The following CD200R1 variants were observed in gnomAD, a reference collection of about 807,000 sequenced individuals.
CD200R1 encodes cell surface glycoprotein CD200 receptor 1.
A neutral mutation model predicts 38.1 loss-of-function variants in CD200R1; 30 were observed. The ratio of observed to expected loss-of-function variants is 0.79; its 90% CI spans 0.59 to 1.07. CD200R1 has a LOEUF of 1.07. Ranked by LOEUF, CD200R1 falls within the 50% of genes least tolerant of loss-of-function variation. The pLI is 0.00. For synonymous variants in CD200R1, 128 were observed against 152.1 expected (o/e 0.84, Z 1.16); for missense variants, 372 against 415.4 (o/e 0.90, Z 0.91).
intron 2 of CD200R1, 89 bp from the exon 3 acceptor site, chr3:112,931,260 T>C (rs776577899): frequency 1.4e-6 from 1 of 738,908 alleles, no homozygotes; most frequent in Non-Finnish European, 2.4e-6. Context: ...TTATCCAACA[T>C]GATAGGCAAT....
intron 1 of CD200R1, among the ~76,000 whole-genome samples, chr3:112,955,176 T>C (rs1234157814): frequency 2.0e-5 from 3 of 152,206 alleles, no homozygotes; most frequent in Non-Finnish European, 4.4e-5. Context: ...CTAGAGAATG[T>C]TTCATGTGTA....
intron 1 of CD200R1, among the ~76,000 whole-genome samples, chr3:112,955,866 A>G (rs1242352412): frequency 1.3e-5 from 2 of 150,042 alleles, no homozygotes; most frequent in Admixed American, 1.3e-4. Context: ...TGAGAAGTCC[A>G]CTTCTAGGTA....
chr3:112,974,526 C>CA (rs1320508263), intron 1 of CD200R1, among the ~76,000 whole-genome samples: 1 of 151,520 alleles, frequency 6.6e-6, no homozygotes, highest in African/African-American at 2.4e-5. Context: ...CTGCCTTGTT[C>CA]AAAAAACAGG....
chr3:112,929,008 C>G lies in CD200R1; in HGVS notation c.577G>C (p.Val193Leu). 1 of 1,614,006 alleles carries G rather than the reference C, an allele frequency of 6.2e-7. No individual in the cohort carries two copies. The highest frequency in any genetic ancestry group is 8.5e-7 in the Non-Finnish European group (1 of 1,180,022). Residue 193 changes from valine (V) to leucine (L), a missense_variant, in exon 5 of 8, where the codon GTT (valine) becomes CTT (leucine). Val to Leu is a conservative substitution (Grantham distance 32, BLOSUM62 1). Transcript: ENST00000308611. ...ATATGCGCAGCTGGCTTCCCTGCAA[C>G]TGCCTTGCATACTGCAGTTCTATTC... ...NRNRTAVCKA[V>L]AGKPAAHISW...
chr3:112,923,841 CATAG>C, intron 7 of CD200R1, 42 bp from the exon 8 acceptor site: 1 of 1,253,472 alleles, frequency 8.0e-7, no homozygotes. Flanking sequence ...AAAAAATCAT[CATAG>C]AGACTATCTG....
rs370239398 is a variant in CD200R1 at position 112,928,403 on chromosome 3, A to G, written c.769+413T>C. On this transcript the variant is annotated intron_variant, in intron 5 of 7. Transcript: ENST00000308611. The stretch of plus-strand genomic sequence containing the variant: ...GATGTTATTATAAGACATTTAAGAA[A>G]TTCAATGATGAAAAGTCCAGAAAAC... 7.2e-5 allele frequency among the ~76,000 whole-genome samples: 11 copies of G among 152,338 alleles called. No individual in the cohort carries two copies. In the East Asian group the frequency reaches 2.1e-3, roughly 29 times the overall value.
At position 112,929,229 on chromosome 3, in the gene CD200R1, C is replaced by A; in HGVS notation, c.481G>T (p.Asp161Tyr). The A allele has an allele frequency of 6.2e-7, 1 of 1,614,172 alleles. No individual in the cohort carries two copies. The highest frequency in any genetic ancestry group is 8.5e-7 in the Non-Finnish European group (1 of 1,180,026). The change falls in exon 4 of 8, where the codon GAT becomes TAT. Residue 161 changes from aspartate (D) to tyrosine (Y), a missense_variant. Asp to Tyr is a radical substitution (Grantham distance 160, BLOSUM62 -3). Transcript: ENST00000308611. ...TGATATCCACGATGGAAATTCCCAT[C>A]AGGTGTTACCATTATGCATCTGTAA... ...GYYRCIMVTP[D>Y]GNFHRGYHLQ...
chr3:112,930,690 T>C (rs903618009), intron 3 of CD200R1, among the ~76,000 whole-genome samples: 1 of 152,224 alleles, frequency 6.6e-6, no homozygotes, highest in Non-Finnish European at 1.5e-5. Flanking sequence ...CAAACCTTTA[T>C]GTGGGTGAAG....
intron 5 of CD200R1, 131 bp from the exon 6 acceptor site, chr3:112,925,324 T>C: frequency 1.8e-6 from 1 of 566,636 alleles, no homozygotes; most frequent in South Asian, 2.4e-5. Context: ...TGTATGTTAC[T>C]AAGTGAAACA....
intron 1 of CD200R1, 40 bp downstream of exon 1, chr3:112,974,751 C>T: frequency 7.6e-7 from 1 of 1,307,194 alleles, no homozygotes; most frequent in Non-Finnish European, 1.1e-6. Flanking sequence ...GAGCTGAGAC[C>T]AGGTTTCTCA....
chr3:112,924,366 G>A (rs1940235580), intron 7 of CD200R1, 124 bp downstream of exon 7: 1 of 597,738 alleles, frequency 1.7e-6, no homozygotes, highest in Non-Finnish European at 2.4e-6. Flanking sequence ...TATAAGCACT[G>A]CAAGTCAGAA....
intron 2 of CD200R1, among the ~76,000 whole-genome samples, chr3:112,939,379 C>G (rs763021258): frequency 6.6e-6 from 1 of 151,706 alleles, no homozygotes; most frequent in Non-Finnish European, 1.5e-5. Context: ...TAGAGAAACC[C>G]TAAAGACTGC....
In CD200R1 at chr3:112,929,404, T is replaced by C; in HGVS notation, c.306A>G (p.Arg102=). Residue 102 remains arginine (R), a synonymous_variant, in exon 4 of 8, where the codon AGA becomes AGG. Transcript: ENST00000308611. ...LIIITWEIIL[R]GQPSCTKAYK... ...AGGCTTTTGTGCAGGAAGGCTGGCC[T>C]CTCAGGATTATTTCCCATGTTATTA... 1 of 1,613,978 alleles carries C rather than the reference T, an allele frequency of 6.2e-7. No homozygotes were observed. The highest frequency in any genetic ancestry group is 8.5e-7 in the Non-Finnish European group (1 of 1,179,876).
intron 5 of CD200R1, among the ~76,000 whole-genome samples, chr3:112,925,455 T>C (rs1224643559): frequency 6.6e-6 from 1 of 152,014 alleles, no homozygotes; most frequent in Admixed American, 6.6e-5. Flanking sequence ...GAGGGAGGAA[T>C]AGAAAGAGCA....
intron 1 of CD200R1, among the ~76,000 whole-genome samples, chr3:112,957,221 G>T (rs1359179632): frequency 6.6e-6 from 1 of 152,172 alleles, no homozygotes; most frequent in Non-Finnish European, 1.5e-5. Context: ...ACTAGGCACT[G>T]TGTTCTCTCA....
At chr3:112,950,436 C>T (rs1288726975) in intron 1 of CD200R1, among the ~76,000 whole-genome samples, 1 of 151,360 alleles carries the variant, frequency 6.6e-6, no homozygotes. Context: ...ATCCTCAGTC[C>T]TAAATTTTAA....
At chr3:112,953,187 G>T (rs1159797619) in intron 1 of CD200R1, among the ~76,000 whole-genome samples, 1 of 152,022 alleles carries the variant, frequency 6.6e-6, no homozygotes, top group Non-Finnish European at 1.5e-5. Context: ...AATTTTTAAA[G>T]GCTTTTTTGC....
intron 2 of CD200R1, among the ~76,000 whole-genome samples, chr3:112,933,229 C>A (rs983945032): frequency 3.9e-5 from 6 of 152,222 alleles, no homozygotes; most frequent in Non-Finnish European, 8.8e-5. Context: ...TGGGTCCACC[C>A]CTAGCAGACA....
In CD200R1 at chr3:112,928,059, TCTA is replaced by T. The variant is rs1940322116; in HGVS notation, c.769+754_769+756del. Among the ~76,000 whole-genome samples, 9 of 152,184 alleles carry T rather than the reference TCTA, an allele frequency of 5.9e-5. 1 individual carries two copies. The highest frequency in any genetic ancestry group is 5.9e-4 in the Admixed American group (9 of 15,264). Reference sequence around the variant, plus strand: ...GGAAGAAGGTAATGTGAAATCCTCATCTACCATAAGAAGTTGTGATTACATAAT... The same window carrying T: ...GGAAGAAGGTAATGTGAAATCCTCATCCATAAGAAGTTGTGATTACATAAT... On this transcript the variant is annotated intron_variant, in intron 5 of 7. Transcript: ENST00000308611.
Sources: allele counts gnomAD v4.1 joint callset (sites outside exome capture counted in the v4.1 genomes callset), GRCh38; gene constraint gnomAD v4.1.1; transcripts MANE v1.5; gene names NCBI Gene and HGNC (gene_info 2026-07-23, HGNC 2026-07-21).